The following TRABD2B variants were observed in gnomAD, a reference collection of about 807,000 sequenced individuals.
TRABD2B encodes the protein TraB domain containing 2B.
TRABD2B carries 14 observed loss-of-function variants against 40.1 expected under a neutral mutation model. The observed-to-expected ratio is 0.35, with a 90% confidence interval of 0.23 to 0.55. TRABD2B has a LOEUF of 0.55. TRABD2B is among the 20% of genes least tolerant of loss of function. TRABD2B has a pLI of 0.90. For missense variants in TRABD2B, 541 were observed against 648.6 expected (o/e 0.83, Z 1.80); for synonymous variants, 263 against 277.0 (o/e 0.95, Z 0.50).
intron 2 of TRABD2B, among the ~76,000 whole-genome samples, chr1:47,872,403 T>C (rs971572388): frequency 2.0e-5 from 3 of 152,210 alleles, no homozygotes; most frequent in African/African-American, 7.2e-5. Context: ...CTGAAAAGAA[T>C]TAATGAATGG....
chr1:47,985,563 T>G (rs1042573781), intron 2 of TRABD2B, among the ~76,000 whole-genome samples: 1 of 152,350 alleles, frequency 6.6e-6, no homozygotes. Context: ...CACACATCTC[T>G]TAAGGCCCTA....
At chr1:47,906,942 T>C (rs1412198711) in intron 2 of TRABD2B, among the ~76,000 whole-genome samples, 1 of 152,216 alleles carries the variant, frequency 6.6e-6, no homozygotes, top group Non-Finnish European at 1.5e-5. Flanking sequence ...GAAAACACAG[T>C]GCCTGCCCAG....
At position 47,997,156 on chromosome 1, in the gene TRABD2B, A is replaced by C; in HGVS notation, c.-367T>G. On this transcript the variant is annotated 5_prime_UTR_variant, in exon 1 of 7. Coordinates refer to ENST00000606738, the MANE Select transcript of TRABD2B (RefSeq NM_001194986.2). The stretch of plus-strand genomic sequence containing the variant: ...GCAGAACCGAGAACCCGGGGTGCGC[A>C]AGGGTCCCGGGGTTATGCTGGGCAC... 8.1e-6 allele frequency: 8 copies of C among 982,460 alleles called. No individual in the cohort carries two copies. Among genetic ancestry groups the C allele is most frequent in the Non-Finnish European group, 9.7e-6 (8 of 828,982 alleles). The allele number at this position is 982,460 out of a possible 1,614,324, so 60.9% of individuals were successfully genotyped here. A position where few individuals can be genotyped will look rare whatever the true frequency, so the allele number is the denominator to read the frequency against.
At chr1:47,810,369 C>T (rs995966646) in intron 2 of TRABD2B, among the ~76,000 whole-genome samples, 8 of 151,994 alleles carry the variant, frequency 5.3e-5, no homozygotes, top group African/African-American at 1.4e-4. Context: ...CACCCCCTGC[C>T]CCCCCGCCAC....
At chr1:47,846,894 A>ACACACACACACACACACACACACACG (rs1439715341) in intron 2 of TRABD2B, among the ~76,000 whole-genome samples, 93 of 145,702 alleles carry the variant, frequency 6.4e-4, no homozygotes, top group East Asian at 4.3e-3. Flanking sequence ...ACACACACAC[A>ACACACACACACACACACACACACACG]CAAATGAGGG....
rs766501720 is a variant in TRABD2B, at chr1:47,949,113, T to C, written c.666+44921A>G. Among the ~76,000 whole-genome samples, 5 of 152,186 alleles carry C rather than the reference T, an allele frequency of 3.3e-5. No individual in the cohort carries two copies. The South Asian group carries it at 6.2e-4, about 19-fold the overall frequency. On this transcript the variant is annotated intron_variant, in intron 2 of 6. Transcript: ENST00000606738. ...AATGCTATTACTAATAATAGTAAAA[T>C]TGCTAATACATAGTAAGAGTAACTG...
At chr1:47,981,619 T>C (rs1645842163) in intron 2 of TRABD2B, among the ~76,000 whole-genome samples, 1 of 152,086 alleles carries the variant, frequency 6.6e-6, no homozygotes, top group Admixed American at 6.5e-5. Flanking sequence ...CATATACCTC[T>C]CTGAACCCTC....
At chr1:47,925,691 G>C (rs1018857102) in intron 2 of TRABD2B, among the ~76,000 whole-genome samples, 8 of 152,230 alleles carry the variant, frequency 5.3e-5, no homozygotes, top group Admixed American at 1.3e-4. Flanking sequence ...GTTTCTCTCA[G>C]AGTTCAAGAG....
At chr1:47,992,658 CCG>C (rs1223017212) in intron 2 of TRABD2B, among the ~76,000 whole-genome samples, 6 of 152,212 alleles carry the variant, frequency 3.9e-5, no homozygotes, top group African/African-American at 1.2e-4. Context: ...ATATCAGCTC[CCG>C]AGGCTGGCAA....
At chr1:47,810,741 G>T (rs752023554) in intron 2 of TRABD2B, among the ~76,000 whole-genome samples, 1 of 152,206 alleles carries the variant, frequency 6.6e-6, no homozygotes, top group African/African-American at 2.4e-5. Flanking sequence ...GCAGGGGGAA[G>T]CTTACCTGTC....
intron 2 of TRABD2B, among the ~76,000 whole-genome samples, chr1:47,983,101 T>C (rs1280765293): frequency 6.6e-6 from 1 of 152,076 alleles, no homozygotes; most frequent in Non-Finnish European, 1.5e-5. Context: ...CATCCACAGA[T>C]TGGATAAAGA....
chr1:47,869,266 GGACA>G (rs762826495), intron 2 of TRABD2B, among the ~76,000 whole-genome samples: 3 of 152,140 alleles, frequency 2.0e-5, no homozygotes, highest in Non-Finnish European at 2.9e-5. Flanking sequence ...CTAAATAAAT[GGACA>G]GACATTGCTG....
Position 47,996,723 on chromosome 1 carries a change from G to C in TRABD2B, c.67C>G (p.Pro23Ala). ...GGCCGGCACTGTCCTCCGTCCGGGG[G>C]CTGCGGGCGGGCGCGAGCGGTGGCG... ...LLATARARPQ[P>A]PDGGQCRPPG... The change falls in exon 1 of 7, where the codon CCC becomes GCC. Residue 23 changes from proline to alanine, a missense_variant. Transcript: ENST00000606738. This position sits in a 1 kb window ranked among gnomAD's most constrained non-coding sequence, Gnocchi z 4.6. 1 of 1,228,316 alleles carries C rather than the reference G, an allele frequency of 8.1e-7. No homozygotes were observed. The highest frequency in any genetic ancestry group is 1.0e-6 in the Non-Finnish European group (1 of 984,796). 76.1% of individuals were successfully genotyped at this position (1,228,316 alleles called of 1,614,324 possible).
At chr1:47,791,590 C>T (rs528390388) in intron 4 of TRABD2B, among the ~76,000 whole-genome samples, 2 of 152,124 alleles carry the variant, frequency 1.3e-5, no homozygotes, top group Non-Finnish European at 2.9e-5. Flanking sequence ...CCCGGCAGTC[C>T]GGGGACAGAA....
At position 47,945,341 on chromosome 1, in the gene TRABD2B, G is replaced by A. The variant is rs191711331; in HGVS notation, c.666+48693C>T. The stretch of plus-strand genomic sequence containing the variant: ...AGAGGCTTCAGGAAGGATTTTACCA[G>A]GTCCAACAAACATTTGCATGCTTTC... On this transcript the variant is annotated intron_variant, in intron 2 of 6. Coordinates refer to ENST00000606738, the MANE Select transcript of TRABD2B (RefSeq NM_001194986.2). Among the ~76,000 whole-genome samples the A allele has an allele frequency of 4.8e-4, 73 of 152,180 alleles. 2 individuals carry two copies. In the East Asian group the frequency reaches 0.014, roughly 29 times the overall value.
At chr1:47,814,577 T>C (rs1479455753) in intron 2 of TRABD2B, among the ~76,000 whole-genome samples, 2 of 152,226 alleles carry the variant, frequency 1.3e-5, no homozygotes, top group Non-Finnish European at 1.5e-5. Flanking sequence ...GGCTTTCCTA[T>C]TGCCCATTAC....
intron 2 of TRABD2B, among the ~76,000 whole-genome samples, chr1:47,878,911 A>G (rs933904112): frequency 1.3e-5 from 2 of 152,026 alleles, no homozygotes; most frequent in African/African-American, 4.8e-5. Context: ...AGCTTGCACA[A>G]CATAGTGAGA....
intron 4 of TRABD2B, among the ~76,000 whole-genome samples, chr1:47,789,043 G>T (rs1304441855): frequency 2.0e-5 from 3 of 152,046 alleles, no homozygotes; most frequent in African/African-American, 7.2e-5. Context: ...CCCACAATTG[G>T]GCCTGGAGAT....
chr1:47,837,233 C>G (rs999239488), intron 2 of TRABD2B, among the ~76,000 whole-genome samples: 7 of 152,180 alleles, frequency 4.6e-5, no homozygotes, highest in African/African-American at 1.7e-4. Flanking sequence ...CCAGGGCCAG[C>G]AGTACAGTGG....
Sources: allele counts gnomAD v4.1 joint callset (sites outside exome capture counted in the v4.1 genomes callset), GRCh38; gene constraint gnomAD v4.1.1; non-coding constraint Gnocchi (gnomAD v3.1); transcripts MANE v1.5; gene names NCBI Gene and HGNC (gene_info 2026-07-23, HGNC 2026-07-21).